The following TBL1XR1 variants were observed in gnomAD, a reference collection of about 807,000 sequenced individuals.
The protein encoded by TBL1XR1 is TBL1X/Y related 1, also known as F-box-like/WD repeat-containing protein TBL1XR1.
Under a neutral mutation model 66.9 loss-of-function variants are expected in TBL1XR1, and 5 were observed. The ratio of observed to expected loss-of-function variants is 0.07; its 90% CI spans 0.04 to 0.16. The LOEUF is 0.16. Ranked by LOEUF, TBL1XR1 falls within the 10% of genes least tolerant of loss-of-function variation. TBL1XR1 has a pLI of 1.00. For missense variants in TBL1XR1, 238 were observed against 623.2 expected (o/e 0.38, Z 6.58); for synonymous variants, 210 against 206.0 (o/e 1.02, Z -0.17).
chr3:177,120,949 T>C (rs1726913481), intron 1 of TBL1XR1: 1 of 152,200 alleles, frequency 6.6e-6, no homozygotes, highest in African/African-American at 2.4e-5. Context: ...TGCTTAAATT[T>C]ATACAATTAT....
At position 177,192,378 on chromosome 3, in the gene TBL1XR1, A is replaced by C. The variant is rs1260606018; in HGVS notation, c.-122+4743T>G. 2.0e-5 allele frequency among the ~76,000 whole-genome samples: 3 copies of C among 151,356 alleles called. 1 individual carries two copies. The highest frequency in any genetic ancestry group is 7.3e-5 in the African/African-American group (3 of 40,964). On this transcript the variant is annotated intron_variant, in intron 1 of 15. Transcript: ENST00000457928. ...AACCTGCACTCCAACCTGGGCAACA[A>C]ACAAAGTGAGACTTTATCTCAAAAA...
At chr3:177,079,303 G>A (rs1478108634) in intron 2 of TBL1XR1, among the ~76,000 whole-genome samples, 3 of 151,712 alleles carry the variant, frequency 2.0e-5, no homozygotes, top group African/African-American at 7.3e-5. Flanking sequence ...CGTGGTGGCA[G>A]GCGCCTGTAG....
intron 10 of TBL1XR1, chr3:177,045,022 T>G (rs1027705883): frequency 2.0e-5 from 3 of 152,144 alleles, no homozygotes; most frequent in African/African-American, 7.2e-5. Context: ...TATTAAGTGG[T>G]GAGCTTTAAT....
chr3:177,104,801 CAT>C (rs1281831986), intron 1 of TBL1XR1, among the ~76,000 whole-genome samples: 4 of 152,208 alleles, frequency 2.6e-5, no homozygotes, highest in South Asian at 2.1e-4. Flanking sequence ...GGTAACATCA[CAT>C]GTCATTGAAT....
At chr3:177,095,991 T>G (rs1207575094) in intron 2 of TBL1XR1, among the ~76,000 whole-genome samples, 2 of 152,148 alleles carry the variant, frequency 1.3e-5, no homozygotes, top group Admixed American at 1.3e-4. Flanking sequence ...TACCCTAAAA[T>G]AAGTACAACT....
At chr3:177,037,039 T>C (rs1271410766) in intron 12 of TBL1XR1, among the ~76,000 whole-genome samples, 1 of 152,200 alleles carries the variant, frequency 6.6e-6, no homozygotes, top group African/African-American at 2.4e-5. Flanking sequence ...CTTTTAGTCA[T>C]ACAACAAGAA....
chr3:177,110,941 CTCACG>C (rs1284044660), intron 1 of TBL1XR1: 6 of 152,172 alleles, frequency 3.9e-5, no homozygotes, highest in East Asian at 1.9e-4. Context: ...CCCCCTTGAT[CTCACG>C]TCAAGCAAAT....
chr3:177,055,699 G>C (rs1467389909), intron 3 of TBL1XR1, among the ~76,000 whole-genome samples: 1 of 152,114 alleles, frequency 6.6e-6, no homozygotes. Flanking sequence ...AACAATGAGA[G>C]ACATAGCAGT....
intron 2 of TBL1XR1, among the ~76,000 whole-genome samples, chr3:177,097,203 A>G (rs997848864): frequency 6.6e-6 from 1 of 152,184 alleles, no homozygotes; most frequent in African/African-American, 2.4e-5. Context: ...TATAAACCTC[A>G]ATCAGTTTTT....
In TBL1XR1 at chr3:177,025,442, A is replaced by T. The variant is rs1712970429; in HGVS notation, c.*56T>A. On this transcript the variant is annotated 3_prime_UTR_variant, in exon 16 of 16. Transcript: ENST00000457928. ...CTATAGCAGTACATGGGTCAGGGAC[A>T]GTCATTTTGGCTATGTACACATTCA... 2 of 1,594,254 alleles carry T rather than the reference A, an allele frequency of 1.3e-6. No individual in the cohort carries two copies. Among genetic ancestry groups the T allele is most frequent in the Non-Finnish European group, 1.7e-6 (2 of 1,164,274 alleles).
chr3:177,158,160 T>TAAAACAAAAACA (rs10657489), intron 1 of TBL1XR1, among the ~76,000 whole-genome samples: 1 of 146,960 alleles, frequency 6.8e-6, no homozygotes, highest in Admixed American at 6.7e-5. Context: ...AAATAAAAAG[T>TAAAACAAAAACA]AAAACAAAAA....
At chr3:177,069,109 A>G (rs1250772521) in intron 2 of TBL1XR1, among the ~76,000 whole-genome samples, 1 of 152,214 alleles carries the variant, frequency 6.6e-6, no homozygotes, top group Non-Finnish European at 1.5e-5. Flanking sequence ...TGTGTCATCT[A>G]TAAAATGAGA....
At chr3:177,055,926 A>G (rs1333169830) in intron 3 of TBL1XR1, among the ~76,000 whole-genome samples, 2 of 152,230 alleles carry the variant, frequency 1.3e-5, no homozygotes, top group African/African-American at 4.8e-5. Context: ...TTTATAATCT[A>G]ATGGAAAATC....
chr3:177,174,569 T>TG (rs1192373852), intron 1 of TBL1XR1, among the ~76,000 whole-genome samples: 2 of 152,258 alleles, frequency 1.3e-5, no homozygotes, highest in Admixed American at 1.3e-4. Context: ...TTCATACTCC[T>TG]GTTCCCCAGA....
intron 1 of TBL1XR1, among the ~76,000 whole-genome samples, chr3:177,129,318 G>A (rs925647895): frequency 2.6e-4 from 39 of 151,982 alleles, no homozygotes; most frequent in African/African-American, 8.9e-4. Context: ...CCCTACTCAA[G>A]GATACAGAAT....
At chr3:177,091,009 A>C (rs1273062664) in intron 2 of TBL1XR1, 1 of 151,954 alleles carries the variant, frequency 6.6e-6, no homozygotes, top group Non-Finnish European at 1.5e-5. Context: ...AGAAAGAAAA[A>C]GAAAAGAGGG....
At chr3:177,197,073 C>T (rs1283274223) in intron 1 of TBL1XR1, 48 bp downstream of exon 1, 3 of 152,038 alleles carry the variant, frequency 2.0e-5, no homozygotes, top group Admixed American at 2.0e-4. Context: ...CGCCCCCCGC[C>T]CAGGCCCCCG....
At chr3:177,195,060 G>A (rs1736657649) in intron 1 of TBL1XR1, among the ~76,000 whole-genome samples, 4 of 152,130 alleles carry the variant, frequency 2.6e-5, no homozygotes, top group Admixed American at 2.0e-4. Flanking sequence ...TCCCAGGCAC[G>A]TAGTTTTCGT....
Position 177,189,649 on chromosome 3 carries a change from C to CAAAAA in TBL1XR1, c.-122+7467_-122+7471dup, listed in dbSNP as rs761647251. ...TGGGAGACAGAGCAAGACTCCATCT[C>CAAAAA]AAAAAAAAAAAAAAAAGAAGGATGT... On this transcript the variant is annotated intron_variant, in intron 1 of 15. Coordinates refer to ENST00000457928, the MANE Select transcript of TBL1XR1 (RefSeq NM_024665.7). 1.3e-3 allele frequency among the ~76,000 whole-genome samples: 58 copies of CAAAAA among 45,214 alleles called. 2 individuals carry two copies. The highest frequency in any genetic ancestry group is 4.9e-3 in the African/African-American group (57 of 11,610). 29.7% of individuals were successfully genotyped at this position (45,214 alleles called of 152,430 possible). A position where few individuals can be genotyped will look rare whatever the true frequency, so the allele number is the denominator to read the frequency against.
Sources: gnomAD v4.1 joint callset for allele counts (sites outside exome capture counted in the v4.1 genomes callset) on GRCh38, gnomAD v4.1.1 for gene constraint, MANE v1.5 for transcripts, NCBI Gene and HGNC (gene_info 2026-07-23, HGNC 2026-07-21) for gene names.